OPHN1: variants seen among roughly 807,000 people sequenced by gnomAD.
OPHN1 encodes oligophrenin 1, also known as oligophrenin-1.
A neutral mutation model predicts 60.7 loss-of-function variants in OPHN1; 11 were observed. That is an observed-to-expected ratio of 0.18 (90% CI 0.11 to 0.30). The LOEUF (loss-of-function observed/expected upper bound fraction) is 0.30, where lower values mean the gene tolerates loss of function less well. OPHN1 is among the 10% of genes least tolerant of loss of function. OPHN1 has a pLI of 1.00. For missense variants in OPHN1, 449 were observed against 611.0 expected (o/e 0.73, Z 2.80); for synonymous variants, 226 against 222.6 (o/e 1.02, Z -0.14).
intron 21 of OPHN1, among the ~76,000 whole-genome samples, chrX:68,058,525 G>A (rs1220203469): frequency 9.0e-6 from 1 of 111,328 alleles, no homozygotes; most frequent in Non-Finnish European, 1.9e-5. Context: ...CTTCCTAGGT[G>A]TTTGGCATGG....
At chrX:68,091,761 GA>G (rs2077019262) in intron 19 of OPHN1, among the ~76,000 whole-genome samples, 1 of 110,812 alleles carries the variant, frequency 9.0e-6, no homozygotes, top group African/African-American at 3.3e-5. Flanking sequence ...AAAATGTTCG[GA>G]AAACAGAAGT....
At chrX:68,048,033 G>A (rs542372142) in intron 24 of OPHN1, among the ~76,000 whole-genome samples, 9 of 111,398 alleles carry the variant, frequency 8.1e-5, no homozygotes, top group Admixed American at 3.8e-4. Flanking sequence ...TTAAAGGCCC[G>A]AGAGGTGTCA....
At chrX:68,304,975 C>A (rs1357851897) in intron 2 of OPHN1, among the ~76,000 whole-genome samples, 3 of 111,692 alleles carry the variant, frequency 2.7e-5, no homozygotes, top group Non-Finnish European at 3.8e-5. Flanking sequence ...CAAAAACAAT[C>A]ATCTGAAATA....
At chrX:68,238,159 C>T (rs190677042) in intron 5 of OPHN1, among the ~76,000 whole-genome samples, 4 of 111,719 alleles carry the variant, frequency 3.6e-5, no homozygotes, top group African/African-American at 9.7e-5. Flanking sequence ...TGTGATGTTA[C>T]GTAGGAATCC....
chrX:68,304,599 C>T (rs2078136532), intron 2 of OPHN1, among the ~76,000 whole-genome samples: 1 of 111,234 alleles, frequency 9.0e-6, no homozygotes, highest in Admixed American at 9.7e-5. Context: ...TAACAAAGGG[C>T]TTAGCATTCT....
chrX:68,217,693 C>T (rs370958861), intron 6 of OPHN1, among the ~76,000 whole-genome samples: 2 of 110,598 alleles, frequency 1.8e-5, no homozygotes, highest in African/African-American at 3.3e-5. Flanking sequence ...CGGCAGGGTA[C>T]TCCAACAGAC....
At chrX:68,311,675 C>T (rs770374490) in intron 2 of OPHN1, among the ~76,000 whole-genome samples, 2 of 112,105 alleles carry the variant, frequency 1.8e-5, no homozygotes, top group Non-Finnish European at 3.8e-5. Flanking sequence ...TCAAGTGATG[C>T]GCCCACCTCG....
chrX:68,071,102 T>G, intron 20 of OPHN1: 1 of 1,050,217 alleles, frequency 9.5e-7, no homozygotes, highest in Admixed American at 2.2e-5. Flanking sequence ...AGCATATTAT[T>G]GATCAGGTGG....
intron 3 of OPHN1, among the ~76,000 whole-genome samples, chrX:68,287,509 A>AAAC (rs752653890): frequency 2.7e-5 from 3 of 109,836 alleles, no homozygotes; most frequent in African/African-American, 6.6e-5. Context: ...TGCGCTAGTA[A>AAAC]AACAACAACA....
At chrX:68,413,068 G>A (rs2078776780) in intron 2 of OPHN1, among the ~76,000 whole-genome samples, 2 of 111,221 alleles carry the variant, frequency 1.8e-5, no homozygotes, top group South Asian at 7.6e-4. Flanking sequence ...GGAAGCAAAG[G>A]GAGAAGAAAG....
At chrX:68,133,084 G>A in intron 15 of OPHN1, 1 of 546,884 alleles carries the variant, frequency 1.8e-6, no homozygotes, top group Admixed American at 2.5e-5. Flanking sequence ...CAATTCCGGA[G>A]AAAATTTTTC....
Position 68,327,790 on chromosome X carries a change from A to T in OPHN1, c.155-28694T>A, listed in dbSNP as rs1429530059. Among the ~76,000 whole-genome samples, 4 of 79,790 alleles carry T rather than the reference A, an allele frequency of 5.0e-5. 1 individual carries two copies. Among genetic ancestry groups the T allele is most frequent in the African/African-American group, 1.8e-4 (2 of 11,306 alleles). The allele number at this position is 79,790 out of a possible 115,157, so 69.3% of individuals were successfully genotyped here. ...GAATGATCAATAAAAATAAAAAATA[A>T]AAAAAATAAAAAAAAAAAAAAAAAA... On this transcript the variant is annotated intron_variant, in intron 2 of 24. Coordinates refer to ENST00000355520, the MANE Select transcript of OPHN1 (RefSeq NM_002547.3).
chrX:68,198,853 G>T (rs1602229549), intron 11 of OPHN1, among the ~76,000 whole-genome samples: 1 of 111,442 alleles, frequency 9.0e-6, no homozygotes, highest in East Asian at 2.8e-4. Context: ...GAATCATGGG[G>T]TTCCTGTCCT....
intron 10 of OPHN1, among the ~76,000 whole-genome samples, chrX:68,201,925 G>A (rs1202915444): frequency 1.8e-5 from 2 of 111,114 alleles, no homozygotes; most frequent in East Asian, 5.7e-4. Flanking sequence ...CTGAGACCAG[G>A]AGAAATTGTT....
intron 6 of OPHN1, among the ~76,000 whole-genome samples, chrX:68,219,948 A>G (rs1285250705): frequency 4.6e-5 from 4 of 87,566 alleles, no homozygotes; most frequent in African/African-American, 1.7e-4. Context: ...AACTGAAGGA[A>G]ATAGAGACAC....
chrX:68,185,911 T>A (rs2077460470), intron 15 of OPHN1, among the ~76,000 whole-genome samples: 1 of 111,017 alleles, frequency 9.0e-6, no homozygotes, highest in Non-Finnish European at 1.9e-5. Flanking sequence ...GGAAAACTGT[T>A]ACAGTCTCCC....
chrX:68,285,319 AT>A (rs1033209001), intron 3 of OPHN1, among the ~76,000 whole-genome samples: 1 of 110,014 alleles, frequency 9.1e-6, no homozygotes, highest in Non-Finnish European at 1.9e-5. Flanking sequence ...TTGGTTATTG[AT>A]TTGATATCTT....
At chrX:68,219,551 G>C (rs1327474402) in intron 6 of OPHN1, among the ~76,000 whole-genome samples, 3 of 109,588 alleles carry the variant, frequency 2.7e-5, no homozygotes, top group African/African-American at 1.0e-4. Context: ...CTCAGCAAAT[G>C]TAAAAGAACA....
intron 5 of OPHN1, among the ~76,000 whole-genome samples, chrX:68,237,543 G>A (rs1194480352): frequency 8.9e-6 from 1 of 111,842 alleles, no homozygotes; most frequent in Non-Finnish European, 1.9e-5. Context: ...ATGATGTTTT[G>A]TAGTTTTCAG....
Sources: gnomAD v4.1 joint callset for allele counts (sites outside exome capture counted in the v4.1 genomes callset) on GRCh38, gnomAD v4.1.1 for gene constraint, MANE v1.5 for transcripts, NCBI Gene and HGNC (gene_info 2026-07-23, HGNC 2026-07-21) for gene names.